The following CTNNA2 variants were observed in gnomAD, a reference collection of about 807,000 sequenced individuals.
CTNNA2 encodes the protein catenin alpha 2.
Under a neutral mutation model 101.0 loss-of-function variants are expected in CTNNA2, and 42 were observed. The observed-to-expected ratio is 0.42, with a 90% CI of 0.32 to 0.54. The LOEUF is 0.54. Among genes scored for constraint, CTNNA2 ranks in the 20% least tolerant of loss-of-function variants. CTNNA2 has a pLI of 0.14. For synonymous variants in CTNNA2, 450 were observed against 456.4 expected, an observed-to-expected ratio of 0.99 and a Z score of 0.18; for missense variants, 871 against 1,223.1, an observed-to-expected ratio of 0.71 and a Z score of 4.29.
At chr2:79,442,130 A>T (rs1191023048) in intron 4 of CTNNA2, among the ~76,000 whole-genome samples, 1 of 152,178 alleles carries the variant, frequency 6.6e-6, no homozygotes, top group African/African-American at 2.4e-5. Flanking sequence ...TGACATTTAT[A>T]TATGCTCCAG....
chr2:80,299,161 T>C (rs1676025087), intron 7 of CTNNA2: 1 of 152,084 alleles, frequency 6.6e-6, no homozygotes, highest in Non-Finnish European at 1.5e-5. Context: ...CATAATGAGA[T>C]TAGCACCCTC....
intron 7 of CTNNA2, among the ~76,000 whole-genome samples, chr2:80,254,966 C>A (rs1672026107): frequency 6.6e-6 from 1 of 152,052 alleles, no homozygotes. Context: ...CCTCCTCTTA[C>A]TCTGCTATTC....
intron 1 of CTNNA2, among the ~76,000 whole-genome samples, chr2:79,556,551 T>C (rs1674458703): frequency 6.6e-6 from 1 of 152,062 alleles, no homozygotes. Flanking sequence ...CATTCTTAGT[T>C]ACATTGTTGT....
intron 4 of CTNNA2, among the ~76,000 whole-genome samples, chr2:79,457,349 A>G (rs2104532140): frequency 6.6e-6 from 1 of 152,324 alleles, no homozygotes; most frequent in East Asian, 1.9e-4. Context: ...ATGCATTCAT[A>G]AAGCATTTAT....
chr2:80,416,518 A>T (rs1300820823), intron 8 of CTNNA2, among the ~76,000 whole-genome samples: 1 of 152,106 alleles, frequency 6.6e-6, no homozygotes, highest in African/African-American at 2.4e-5. Context: ...TTTCATAGTT[A>T]ATCATTTGCT....
At position 79,338,579 on chromosome 2, in the gene CTNNA2, T is replaced by TTCTTCTTCTTCTTCTTCTA. The variant is rs1193658482; in HGVS notation, c.-318+25783_-318+25784insTCTTCTTCTTCTTCTTCTA. Among the ~76,000 whole-genome samples, 259 of 96,342 alleles carry TTCTTCTTCTTCTTCTTCTA rather than the reference T, an allele frequency of 2.7e-3. 2 individuals carry two copies. The highest frequency in any genetic ancestry group is 0.011 in the African/African-American group (254 of 22,130). The allele number at this position is 96,342 out of a possible 152,430, so 63.2% of individuals were successfully genotyped here. A position where few individuals can be genotyped will look rare whatever the true frequency, so the allele number is the denominator to read the frequency against. ...TTCTTCTTCTTCTTCCTCCTCATCA[T>TTCTTCTTCTTCTTCTTCTA]CTTCTTCTTCTTCTTCTTCTTCTTC... On this transcript the variant is annotated intron_variant, in intron 3 of 21. Transcript: ENST00000466387.
At chr2:79,314,635 C>T (rs931486124) in intron 3 of CTNNA2, among the ~76,000 whole-genome samples, 2 of 152,176 alleles carry the variant, frequency 1.3e-5, no homozygotes, top group African/African-American at 4.8e-5. Context: ...TTTTGGTCTA[C>T]ATATTCTATT....
intron 9 of CTNNA2, among the ~76,000 whole-genome samples, chr2:80,503,217 T>C (rs2149536431): frequency 6.6e-6 from 1 of 152,234 alleles, no homozygotes; most frequent in South Asian, 2.1e-4. Flanking sequence ...ATTCTACCAA[T>C]TGCAAAACGT....
At chr2:80,518,982 AT>A (rs35560864) in intron 9 of CTNNA2, among the ~76,000 whole-genome samples, 81,396 of 151,530 alleles carry the variant, frequency 0.54, 22,935 homozygotes, top group African/African-American at 0.72. Context: ...CATAAATGGG[AT>A]TTTTTTTTGA....
In CTNNA2 at chr2:79,395,245, T is replaced by A. The variant is rs1200864108; in HGVS notation, c.-135+21232T>A. Among the ~76,000 whole-genome samples the A allele has an allele frequency of 2.6e-5, 4 of 152,254 alleles. No individual in the cohort carries two copies. The Middle Eastern group carries it at 0.014, about 518-fold the overall frequency. ...TGAAAATATTGACAATATTTTCTTTTTTATTATTATTATACTTTAAGTTTT... is the reference window on the plus strand; with the variant it reads ...TGAAAATATTGACAATATTTTCTTTATTATTATTATTATACTTTAAGTTTT... On this transcript the variant is annotated intron_variant, in intron 4 of 21. Transcript: ENST00000466387.
intron 7 of CTNNA2, among the ~76,000 whole-genome samples, chr2:80,149,007 T>G (rs191887681): frequency 1.1e-4 from 17 of 150,962 alleles, no homozygotes; most frequent in African/African-American, 4.2e-4. Context: ...GCTTCAACCT[T>G]CTGACTTATT....
At chr2:80,009,778 G>T (rs1465435635) in intron 7 of CTNNA2, among the ~76,000 whole-genome samples, 2 of 151,738 alleles carry the variant, frequency 1.3e-5, no homozygotes, top group Non-Finnish European at 2.9e-5. Context: ...GAGAGACAGA[G>T]ATTAAGACAA....
chr2:80,386,949 C>T (rs1471211214), intron 7 of CTNNA2, among the ~76,000 whole-genome samples: 2 of 152,046 alleles, frequency 1.3e-5, no homozygotes, highest in African/African-American at 4.8e-5. Flanking sequence ...TTTATATTCC[C>T]AGGGCTTCCA....
At chr2:80,635,940 C>T (rs922925521) in intron 18 of CTNNA2, among the ~76,000 whole-genome samples, 1 of 144,424 alleles carries the variant, frequency 6.9e-6, no homozygotes, top group Admixed American at 6.9e-5. Flanking sequence ...AGAGTATTGA[C>T]AAGTATGGGT....
chr2:79,340,851 A>AAG (rs1256949422), intron 3 of CTNNA2, among the ~76,000 whole-genome samples: 13 of 147,336 alleles, frequency 8.8e-5, no homozygotes, highest in East Asian at 2.0e-4. Flanking sequence ...AAAAAAAAAA[A>AAG]AAAGAAAAGA....
chr2:80,626,030 T>C (rs114791173), intron 18 of CTNNA2, among the ~76,000 whole-genome samples: 3,149 of 152,166 alleles, frequency 0.021, 106 homozygotes, highest in African/African-American at 0.071. Context: ...AAAAAGAAAT[T>C]TGAAAGTAAC....
chr2:80,535,997 A>G (rs933489697), intron 9 of CTNNA2, among the ~76,000 whole-genome samples: 32 of 152,160 alleles, frequency 2.1e-4, no homozygotes, highest in Non-Finnish European at 1.3e-4. Context: ...GAAGCTGATC[A>G]TCGAAGGCTG....
At chr2:79,930,264 A>AAGAGAGAGAGAGAAAG (rs765491715) in intron 7 of CTNNA2, among the ~76,000 whole-genome samples, 1 of 128,114 alleles carries the variant, frequency 7.8e-6, no homozygotes, top group Non-Finnish European at 1.6e-5. Context: ...GAAAGAAAGA[A>AAGAGAGAGAGAGAAAG]AGAAAGAAAG....
intron 1 of CTNNA2, among the ~76,000 whole-genome samples, chr2:79,616,538 C>A (rs1157987285): frequency 6.6e-6 from 1 of 152,138 alleles, no homozygotes; most frequent in African/African-American, 2.4e-5. Context: ...AGAACAGGTA[C>A]TGTAAAGAAG....
Sources: gnomAD v4.1 joint callset for allele counts (sites outside exome capture counted in the v4.1 genomes callset) on GRCh38, gnomAD v4.1.1 for gene constraint, MANE v1.5 for transcripts, NCBI Gene and HGNC (gene_info 2026-07-23, HGNC 2026-07-21) for gene names.